VRTN: variants seen among roughly 807,000 people sequenced by gnomAD.
VRTN encodes the protein vertebrae development associated.
In VRTN, 5 loss-of-function variants were observed where a neutral mutation model predicts 18.2. The ratio of observed to expected loss-of-function variants is 0.27; its 90% CI spans 0.14 to 0.58. VRTN has a LOEUF of 0.58. Ranked by LOEUF, VRTN falls within the 20% of genes least tolerant of loss-of-function variation. VRTN has a pLI of 0.91. For missense variants in VRTN, 741 were observed against 939.4 expected (o/e 0.79, Z 2.76); for synonymous variants, 381 against 393.7 (o/e 0.97, Z 0.38).
At position 74,358,070 on chromosome 14, in the gene VRTN, T is replaced by C. The variant is rs2085746605; in HGVS notation, c.1287T>C (p.Pro429=). The part of the protein sequence containing the change: ...VPYRCFKRRF[P]GISRSTYYNW... ...ATCGCTGCTTCAAACGCAGGTTCCC[T>C]GGCATCTCACGGTCCACTTATTATA... The change falls in exon 2 of 2, where the codon CCT becomes CCC. Residue 429 remains proline, a synonymous_variant. Coordinates refer to ENST00000256362, the MANE Select transcript of VRTN (RefSeq NM_018228.3). This position sits in a 1 kb window ranked among gnomAD's most constrained non-coding sequence, Gnocchi z 5.4. 1 of 1,614,222 alleles carries C rather than the reference T, an allele frequency of 6.2e-7. No homozygotes were observed. The highest frequency in any genetic ancestry group is 8.5e-7 in the Non-Finnish European group (1 of 1,180,038).
intron 2 of VRTN, among the ~76,000 whole-genome samples, chr14:74,340,931 A>G (rs2085601292): frequency 6.6e-6 from 1 of 151,778 alleles, no homozygotes; most frequent in Non-Finnish European, 1.5e-5. Context: ...TTTAGTAGAG[A>G]CGGGGTTTCA....
intron 1 of VRTN, among the ~76,000 whole-genome samples, chr14:74,311,505 CT>C (rs1197218383): frequency 2.0e-5 from 3 of 151,544 alleles, no homozygotes; most frequent in Non-Finnish European, 2.9e-5. Flanking sequence ...ACTGCAACCT[CT>C]GCCTCCTGGG....
chr14:74,335,506 T>C (rs2085557673), intron 1 of VRTN, among the ~76,000 whole-genome samples: 3 of 111,918 alleles, frequency 2.7e-5, no homozygotes, highest in Non-Finnish European at 5.3e-5. Flanking sequence ...ATAGCCACTG[T>C]ACTAAATGCC....
chr14:74,353,652 A>T (rs561254233), intron 1 of VRTN, among the ~76,000 whole-genome samples: 2 of 152,338 alleles, frequency 1.3e-5, no homozygotes, highest in South Asian at 4.1e-4. Context: ...AATAAGAAAT[A>T]AATTTTAAAA....
chr14:74,345,574 C>A (rs925531934), upstream of VRTN, among the ~76,000 whole-genome samples: 12 of 151,846 alleles, frequency 7.9e-5, no homozygotes, highest in African/African-American at 2.7e-4. Context: ...CACCCAGTTG[C>A]ACCCTGCCTA....
intron 1 of VRTN, among the ~76,000 whole-genome samples, chr14:74,303,919 T>C (rs1288262536): frequency 6.8e-6 from 1 of 147,074 alleles, no homozygotes; most frequent in Non-Finnish European, 1.5e-5. Context: ...TGGCGCGATA[T>C]CGGCTCACGG....
In VRTN at chr14:74,359,442, G is replaced by C. The variant is rs765279191; in HGVS notation, c.*550G>C. Reference sequence around the variant, plus strand: ...TTATGCCTGTAATCCTAGCGCTTTGGGAGGCCAAGGCAGGAGGATCACTTG... The same window carrying C: ...TTATGCCTGTAATCCTAGCGCTTTGCGAGGCCAAGGCAGGAGGATCACTTG... On this transcript the variant is annotated 3_prime_UTR_variant, in exon 2 of 2. Transcript: ENST00000256362. 6.0e-6 allele frequency: 1 copy of C among 167,504 alleles called. No individual in the cohort carries two copies. The highest frequency in any genetic ancestry group is 2.4e-5 in the African/African-American group (1 of 41,402). The allele number at this position is 167,504 out of a possible 1,614,324, so 10.4% of individuals were successfully genotyped here. A position where few individuals can be genotyped will look rare whatever the true frequency, so the allele number is the denominator to read the frequency against.
At chr14:74,308,018 G>A (rs532440968) in intron 1 of VRTN, among the ~76,000 whole-genome samples, 1 of 152,220 alleles carries the variant, frequency 6.6e-6, no homozygotes. Flanking sequence ...GTAAGCCACC[G>A]GGTTTAGAGC....
intron 1 of VRTN, among the ~76,000 whole-genome samples, chr14:74,309,196 C>T (rs1160940532): frequency 6.6e-6 from 1 of 152,100 alleles, no homozygotes; most frequent in Non-Finnish European, 1.5e-5. Flanking sequence ...CTTTTTCCTG[C>T]TTCTAGCATT....
intron 1 of VRTN, among the ~76,000 whole-genome samples, chr14:74,320,745 C>A (rs1285370329): frequency 6.7e-6 from 1 of 149,260 alleles, no homozygotes; most frequent in Non-Finnish European, 1.5e-5. Flanking sequence ...CGCCACTGAA[C>A]CTGCCTAATT....
intron 2 of VRTN, among the ~76,000 whole-genome samples, chr14:74,342,215 C>T (rs971931847): frequency 6.7e-6 from 1 of 150,234 alleles, no homozygotes; most frequent in Non-Finnish European, 1.5e-5. Flanking sequence ...CTACTGCATT[C>T]CAGCCTGGGT....
chr14:74,332,654 C>T (rs1304669495), intron 1 of VRTN, among the ~76,000 whole-genome samples: 1 of 151,882 alleles, frequency 6.6e-6, no homozygotes, highest in African/African-American at 2.4e-5. Flanking sequence ...CATGCCTGGC[C>T]TCCTAATCTA....
upstream of VRTN, among the ~76,000 whole-genome samples, chr14:74,345,432 A>AC (rs1210159197): frequency 7.3e-6 from 1 of 137,908 alleles, no homozygotes; most frequent in African/African-American, 2.8e-5. Context: ...GCTCACTGCA[A>AC]CCTCTGTCTC....
chr14:74,343,567 AG>A (rs1359971249), upstream of VRTN, among the ~76,000 whole-genome samples: 8 of 152,214 alleles, frequency 5.3e-5, no homozygotes, highest in Non-Finnish European at 1.0e-4. Context: ...TGGTTCAATC[AG>A]CAAAAGATGG....
rs867586773 is a variant in VRTN, at chr14:74,315,119, A to G, written c.-164+11943A>G. On this transcript the variant is annotated intron_variant, in intron 1 of 2. Coordinates refer to the VRTN transcript ENST00000557177. Reference sequence around the variant, plus strand: ...AGACTTTGCTTTTGAGGTCCTTCCAATGTCTTTCAGTTCAAAGTATCAGCA... The same window carrying G: ...AGACTTTGCTTTTGAGGTCCTTCCAGTGTCTTTCAGTTCAAAGTATCAGCA... Among the ~76,000 whole-genome samples, 13 of 152,288 alleles carry G rather than the reference A, an allele frequency of 8.5e-5. No individual in the cohort carries two copies. In the South Asian group the frequency reaches 2.1e-3, roughly 24 times the overall value.
chr14:74,335,158 G>A (rs887692505), intron 1 of VRTN, among the ~76,000 whole-genome samples: 91 of 152,320 alleles, frequency 6.0e-4, no homozygotes, highest in African/African-American at 2.0e-3. Flanking sequence ...GTGCATGCCT[G>A]CAATCCCAGT....
upstream of VRTN, chr14:74,303,065 C>T: frequency 1.3e-6 from 1 of 772,910 alleles, no homozygotes; most frequent in South Asian, 2.7e-5. Flanking sequence ...CGACCGACGT[C>T]TCTAAAAGTA....
intron 1 of VRTN, among the ~76,000 whole-genome samples, chr14:74,332,111 A>G (rs963021454): frequency 1.3e-5 from 2 of 152,140 alleles, no homozygotes; most frequent in African/African-American, 4.8e-5. Context: ...GGAAGGTCCC[A>G]TCTCTGAGCC....
chr14:74,306,903 G>A (rs1252861509), intron 1 of VRTN, among the ~76,000 whole-genome samples: 1 of 151,924 alleles, frequency 6.6e-6, no homozygotes, highest in Admixed American at 6.6e-5. Context: ...ACCGCTCCTG[G>A]CCTCTAGTTG....
Sources: gnomAD v4.1 joint callset for allele counts (sites outside exome capture counted in the v4.1 genomes callset) on GRCh38, gnomAD v4.1.1 for gene constraint, Gnocchi (gnomAD v3.1) non-coding constraint, MANE v1.5 for transcripts, NCBI Gene and HGNC (gene_info 2026-07-23, HGNC 2026-07-21) for gene names.